PPARGC1A: variants seen among roughly 807,000 people sequenced by gnomAD.
PPARGC1A encodes peroxisome proliferator-activated receptor gamma coactivator 1-alpha.
A neutral mutation model predicts 88.7 loss-of-function variants in PPARGC1A; 25 were observed. The observed-to-expected ratio is 0.28, with a 90% CI of 0.21 to 0.39. The LOEUF is 0.39. PPARGC1A is among the 10% of genes least tolerant of loss of function. The pLI is 1.00. For missense variants in PPARGC1A, 880 were observed against 968.7 expected, an observed-to-expected ratio of 0.91 and a Z score of 1.22; for synonymous variants, 363 against 355.6, an observed-to-expected ratio of 1.02 and a Z score of -0.24.
At chr4:24,252,010 T>C in the PPARGC1A span, among the ~76,000 whole-genome samples, 3 of 152,202 alleles carry the variant, frequency 2.0e-5, no homozygotes, top group African/African-American at 4.8e-5. Flanking sequence ...TTACTAATAA[T>C]ACTTTATTAC....
chr4:24,344,370 T>G, the PPARGC1A span, among the ~76,000 whole-genome samples: 1 of 152,166 alleles, frequency 6.6e-6, no homozygotes, highest in African/African-American at 2.4e-5. Context: ...CCACCGGAAG[T>G]GTAGAAGTGT....
the PPARGC1A span, among the ~76,000 whole-genome samples, chr4:24,416,772 T>G: frequency 0.014 from 2,057 of 152,286 alleles, 58 homozygotes; most frequent in East Asian, 0.11. Context: ...GGCTCACGCC[T>G]GTAATCCCGG....
the PPARGC1A span, among the ~76,000 whole-genome samples, chr4:24,350,032 C>T: frequency 2.6e-5 from 4 of 152,220 alleles, no homozygotes; most frequent in Non-Finnish European, 5.9e-5. Flanking sequence ...GACTCAGCTC[C>T]AGGTGAAGTT....
chr4:23,948,236 G>C, the PPARGC1A span, among the ~76,000 whole-genome samples: 2 of 152,126 alleles, frequency 1.3e-5, no homozygotes, highest in Non-Finnish European at 2.9e-5. Context: ...CTTCCCTCAA[G>C]GGGCTCAGCA....
At chr4:23,955,754 A>G in the PPARGC1A span, among the ~76,000 whole-genome samples, 1 of 152,236 alleles carries the variant, frequency 6.6e-6, no homozygotes, top group Admixed American at 6.5e-5. Flanking sequence ...TTCTGATCTC[A>G]TGAGGTTGAA....
At chr4:24,207,180 T>C in the PPARGC1A span, among the ~76,000 whole-genome samples, 1 of 152,126 alleles carries the variant, frequency 6.6e-6, no homozygotes, top group African/African-American at 2.4e-5. Flanking sequence ...GTTCACTCAT[T>C]CCATTAATAC....
At chr4:23,992,003 G>A in the PPARGC1A span, among the ~76,000 whole-genome samples, 1 of 152,018 alleles carries the variant, frequency 6.6e-6, no homozygotes, top group Non-Finnish European at 1.5e-5. Flanking sequence ...ACATTTTACA[G>A]GTACTGCATT....
At chr4:23,832,052 C>T (rs757123381) in intron 2 of PPARGC1A, among the ~76,000 whole-genome samples, 72 of 152,098 alleles carry the variant, frequency 4.7e-4, no homozygotes, top group Non-Finnish European at 9.7e-4. Flanking sequence ...TTTCCACTTG[C>T]TCATGTTTTC....
chr4:24,466,097 C>T, the PPARGC1A span, among the ~76,000 whole-genome samples: 3 of 151,960 alleles, frequency 2.0e-5, no homozygotes, highest in African/African-American at 4.8e-5. Flanking sequence ...TTTAGAAGGC[C>T]CTGTCTATCT....
the PPARGC1A span, among the ~76,000 whole-genome samples, chr4:24,114,123 C>CAAAAAAAAA: frequency 6.6e-5 from 4 of 60,872 alleles, no homozygotes; most frequent in South Asian, 8.1e-4. Flanking sequence ...GACTCCATCA[C>CAAAAAAAAA]AAAAAAAAAA....
At chr4:24,355,117 A>C in the PPARGC1A span, among the ~76,000 whole-genome samples, 1 of 152,178 alleles carries the variant, frequency 6.6e-6, no homozygotes, top group Non-Finnish European at 1.5e-5. Context: ...TCACGACATT[A>C]TCTCTCTCCT....
chr4:23,988,997 T>TTA, the PPARGC1A span, among the ~76,000 whole-genome samples: 6 of 148,516 alleles, frequency 4.0e-5, no homozygotes, highest in Admixed American at 6.8e-5. Context: ...ACATACACTA[T>TTA]TATATATATA....
the PPARGC1A span, among the ~76,000 whole-genome samples, chr4:24,131,061 C>T: frequency 6.6e-6 from 1 of 152,214 alleles, no homozygotes; most frequent in Non-Finnish European, 1.5e-5. Flanking sequence ...CACACTGCAA[C>T]TTTACAGCAC....
At chr4:24,416,208 T>A in the PPARGC1A span, among the ~76,000 whole-genome samples, 1 of 152,182 alleles carries the variant, frequency 6.6e-6, no homozygotes, top group African/African-American at 2.4e-5. Flanking sequence ...GGAAGCACAA[T>A]GTCTTATGCT....
At chr4:24,322,958 G>A in the PPARGC1A span, among the ~76,000 whole-genome samples, 4 of 151,986 alleles carry the variant, frequency 2.6e-5, no homozygotes, top group East Asian at 1.9e-4. Flanking sequence ...CATTGTCTTC[G>A]GTATAATAAC....
intron 10 of PPARGC1A, among the ~76,000 whole-genome samples, chr4:23,804,204 C>A (rs1291589648): frequency 6.6e-6 from 1 of 152,172 alleles, no homozygotes; most frequent in East Asian, 1.9e-4. Context: ...TCCAGCCTTG[C>A]CCTCTCCCCA....
the PPARGC1A span, among the ~76,000 whole-genome samples, chr4:23,941,426 T>C: frequency 6.6e-6 from 1 of 152,250 alleles, no homozygotes; most frequent in African/African-American, 2.4e-5. Context: ...AAAGTAAAAC[T>C]TCAATTTACA....
At chr4:23,920,652 T>C in the PPARGC1A span, among the ~76,000 whole-genome samples, 2 of 152,226 alleles carry the variant, frequency 1.3e-5, no homozygotes, top group African/African-American at 4.8e-5. Context: ...CCCTGTCTTT[T>C]CTTCTCTCCA....
chr4:23,862,904 G>A (rs535311842), intron 2 of PPARGC1A, among the ~76,000 whole-genome samples: 5 of 152,234 alleles, frequency 3.3e-5, no homozygotes, highest in African/African-American at 7.2e-5. Context: ...GAGCTCCATC[G>A]TCGCATATTG....
Sources: gnomAD v4.1 joint callset for allele counts (sites outside exome capture counted in the v4.1 genomes callset) on GRCh38, gnomAD v4.1.1 for gene constraint, MANE v1.5 for transcripts, NCBI Gene and HGNC (gene_info 2026-07-23, HGNC 2026-07-21) for gene names.